Variants in SLX4IP observed in about 807,000 individuals in gnomAD.
SLX4IP encodes the protein SLX4 interacting protein.
A neutral mutation model predicts 32.9 loss-of-function variants in SLX4IP; 34 were observed. That is an observed-to-expected ratio of 1.03 (90% CI 0.79 to 1.38). The LOEUF is 1.38. SLX4IP is among the 40% of genes most tolerant of loss of function. The pLI is 0.00. For missense variants in SLX4IP, 444 were observed against 479.0 expected (o/e 0.93, Z 0.68); for synonymous variants, 172 against 171.7 (o/e 1.00, Z -0.01).
chr20:10,613,994 T>C, intron 6 of SLX4IP: 1 of 1,222,906 alleles, frequency 8.2e-7, no homozygotes, highest in Admixed American at 1.7e-5. Context: ...CGTACACTGC[T>C]CTCTGTTCTC....
chr20:10,473,551 G>A (rs2065444944), intron 2 of SLX4IP, among the ~76,000 whole-genome samples: 2 of 151,416 alleles, frequency 1.3e-5, no homozygotes, highest in South Asian at 4.2e-4. Flanking sequence ...CTGCCAGAGT[G>A]TGTCTTGAAG....
intron 2 of SLX4IP, among the ~76,000 whole-genome samples, chr20:10,510,378 T>C (rs1600944442): frequency 6.6e-6 from 1 of 152,138 alleles, no homozygotes; most frequent in African/African-American, 2.4e-5. Flanking sequence ...ATACTCCTTG[T>C]GGCCACACAC....
chr20:10,559,487 C>A (rs868180189), intron 3 of SLX4IP, among the ~76,000 whole-genome samples: 1 of 152,134 alleles, frequency 6.6e-6, no homozygotes, highest in African/African-American at 2.4e-5. Context: ...TTGAGGTGAC[C>A]TGGGCAACTC....
chr20:10,520,023 T>A (rs1355401611), intron 2 of SLX4IP, among the ~76,000 whole-genome samples: 1 of 152,198 alleles, frequency 6.6e-6, no homozygotes, highest in African/African-American at 2.4e-5. Context: ...GAAATGTCTA[T>A]TGAAATCTTG....
chr20:10,482,288 C>T (rs1233355853), intron 2 of SLX4IP, among the ~76,000 whole-genome samples: 2 of 152,110 alleles, frequency 1.3e-5, no homozygotes, highest in Admixed American at 1.3e-4. Context: ...GGACATGTGC[C>T]TTTTTGCATT....
intron 4 of SLX4IP, among the ~76,000 whole-genome samples, chr20:10,561,607 C>G (rs987275917): frequency 6.7e-6 from 1 of 148,632 alleles, no homozygotes; most frequent in Non-Finnish European, 1.5e-5. Flanking sequence ...TTTTGGTGCA[C>G]CCATCACCCA....
At chr20:10,536,581 A>G (rs2066047203) in intron 2 of SLX4IP, among the ~76,000 whole-genome samples, 1 of 152,210 alleles carries the variant, frequency 6.6e-6, no homozygotes, top group African/African-American at 2.4e-5. Context: ...CTCCCTTGGC[A>G]AACGTTACCT....
intron 6 of SLX4IP, chr20:10,613,773 A>G (rs2066994938): frequency 1.2e-6 from 2 of 1,613,682 alleles, no homozygotes; most frequent in East Asian, 2.2e-5. Flanking sequence ...CTGCACGCAA[A>G]GCACAGACTC....
At chr20:10,562,659 A>T (rs758560927) in intron 4 of SLX4IP, among the ~76,000 whole-genome samples, 1 of 152,184 alleles carries the variant, frequency 6.6e-6, no homozygotes, top group Non-Finnish European at 1.5e-5. Flanking sequence ...AGCCCTCACC[A>T]GGGACCCTGC....
intron 6 of SLX4IP, among the ~76,000 whole-genome samples, chr20:10,606,766 T>G (rs1457174180): frequency 6.6e-6 from 1 of 152,224 alleles, no homozygotes; most frequent in Non-Finnish European, 1.5e-5. Context: ...TACATCATAC[T>G]TAATAAACTG....
chr20:10,495,807 T>C (rs1030632046), intron 2 of SLX4IP, among the ~76,000 whole-genome samples: 3 of 151,988 alleles, frequency 2.0e-5, no homozygotes, highest in Admixed American at 6.6e-5. Flanking sequence ...CTGTTTTTCT[T>C]TTGGTTAAAA....
chr20:10,534,558 G>A (rs1294925004), intron 2 of SLX4IP, among the ~76,000 whole-genome samples: 1 of 152,188 alleles, frequency 6.6e-6, no homozygotes, highest in Non-Finnish European at 1.5e-5. Context: ...GAGCCTAGGG[G>A]AAGGTGGGGT....
chr20:10,442,318 T>A (rs2065165575), intron 1 of SLX4IP, among the ~76,000 whole-genome samples: 1 of 152,200 alleles, frequency 6.6e-6, no homozygotes, highest in Non-Finnish European at 1.5e-5. Flanking sequence ...CCATGTGATA[T>A]TGTTTAATCT....
chr20:10,619,160 C>T (rs1328455756), intron 6 of SLX4IP, among the ~76,000 whole-genome samples: 1 of 151,728 alleles, frequency 6.6e-6, no homozygotes, highest in Non-Finnish European at 1.5e-5. Context: ...AATTTGTAAG[C>T]GGGAGACCCC....
chr20:10,514,662 G>T (rs566808714), intron 2 of SLX4IP, among the ~76,000 whole-genome samples: 1 of 152,230 alleles, frequency 6.6e-6, no homozygotes, highest in Admixed American at 6.5e-5. Context: ...AAGTTAACTT[G>T]TGTCAAATTG....
chr20:10,578,178 GA>G (rs1335567974), intron 4 of SLX4IP, among the ~76,000 whole-genome samples: 1 of 152,062 alleles, frequency 6.6e-6, no homozygotes, highest in African/African-American at 2.4e-5. Context: ...ATCAATTTGA[GA>G]ACATTTTCAT....
intron 4 of SLX4IP, among the ~76,000 whole-genome samples, chr20:10,593,858 C>T (rs2066739424): frequency 6.6e-6 from 1 of 152,154 alleles, no homozygotes; most frequent in Non-Finnish European, 1.5e-5. Context: ...GAGATATAAG[C>T]AAATACATCT....
At chr20:10,601,861 A>G (rs1191428671) in intron 6 of SLX4IP, 42 bp downstream of exon 6, 2 of 1,530,078 alleles carry the variant, frequency 1.3e-6, no homozygotes, top group South Asian at 1.1e-5. Flanking sequence ...GTCTGCTTAA[A>G]TGCTGAGTTA....
rs2066293349 is a variant in SLX4IP at position 10,558,459 on chromosome 20, C to A, written c.117+2139C>A. On this transcript the variant is annotated intron_variant, in intron 3 of 7. Transcript: ENST00000334534. ...AAAGGCTATGACTTTAGCTTAGGTT[C>A]AGTGTCCCCAGGCTTTCATCTTCTT... Among the ~76,000 whole-genome samples the A allele has an allele frequency of 2.0e-5, 3 of 151,822 alleles. No homozygotes were observed. In the South Asian group the frequency reaches 6.2e-4, roughly 32 times the overall value.
Sources: gnomAD v4.1 joint callset for allele counts (sites outside exome capture counted in the v4.1 genomes callset) on GRCh38, gnomAD v4.1.1 for gene constraint, MANE v1.5 for transcripts, NCBI Gene and HGNC (gene_info 2026-07-23, HGNC 2026-07-21) for gene names.